PSMA1: variants seen among roughly 807,000 people sequenced by gnomAD.
PSMA1 encodes the protein proteasome 20S subunit alpha 1.
In PSMA1, 3 loss-of-function variants were observed where a neutral mutation model predicts 38.4. The ratio of observed to expected loss-of-function variants is 0.08; its 90% CI spans 0.04 to 0.20. The LOEUF is 0.20. Ranked by LOEUF, PSMA1 falls within the 10% of genes least tolerant of loss-of-function variation. PSMA1 has a pLI of 1.00. For missense variants in PSMA1, 227 were observed against 325.3 expected (o/e 0.70, Z 2.32); for synonymous variants, 101 against 107.1 (o/e 0.94, Z 0.35).
At chr11:14,618,660 T>G (rs967181733) in intron 1 of PSMA1, among the ~76,000 whole-genome samples, 1 of 152,216 alleles carries the variant, frequency 6.6e-6, no homozygotes, top group Non-Finnish European at 1.5e-5. Context: ...TGCATTACAT[T>G]ATAGACAAAT....
At chr11:14,548,040 C>A (rs1034304536) in intron 2 of PSMA1, among the ~76,000 whole-genome samples, 3 of 150,160 alleles carry the variant, frequency 2.0e-5, no homozygotes, top group Non-Finnish European at 3.0e-5. Context: ...ACACACACAC[C>A]ACACAGAGTT....
chr11:14,570,036 CATTTGCTGTTCTGCAAT>C (rs1377308321), intron 2 of PSMA1, among the ~76,000 whole-genome samples: 7 of 152,130 alleles, frequency 4.6e-5, no homozygotes, highest in African/African-American at 1.4e-4. Context: ...CAGACAGCAA[CATTTGCTGTTCTGCAAT>C]ATTTGCTGTT....
chr11:14,556,664 G>C (rs971830885), intron 2 of PSMA1, among the ~76,000 whole-genome samples: 1 of 151,954 alleles, frequency 6.6e-6, no homozygotes, highest in African/African-American at 2.4e-5. Flanking sequence ...GCTTACTCTT[G>C]AGAAAAAATT....
chr11:14,529,121 CAAAAAAA>C (rs34346829), intron 2 of PSMA1, among the ~76,000 whole-genome samples: 5 of 56,970 alleles, frequency 8.8e-5, no homozygotes, highest in Admixed American at 2.0e-4. Context: ...GACCCTGTCT[CAAAAAAA>C]AAAAAAAAAA....
intron 2 of PSMA1, among the ~76,000 whole-genome samples, chr11:14,574,035 C>T (rs959366251): frequency 2.6e-5 from 4 of 152,120 alleles, no homozygotes; most frequent in Non-Finnish European, 5.9e-5. Flanking sequence ...AAGAAATAAC[C>T]TGAAACTGGA....
chr11:14,533,853 A>C (rs1565038628), intron 2 of PSMA1, among the ~76,000 whole-genome samples: 1 of 151,786 alleles, frequency 6.6e-6, no homozygotes, highest in African/African-American at 2.4e-5. Context: ...CTTGAATGGG[A>C]GAAAGGGGTA....
intron 2 of PSMA1, among the ~76,000 whole-genome samples, chr11:14,542,410 A>G (rs1471200960): frequency 6.6e-6 from 1 of 151,458 alleles, no homozygotes; most frequent in Non-Finnish European, 1.5e-5. Flanking sequence ...GTAAGCAGGG[A>G]AAAAAAAACC....
At chr11:14,571,914 A>C (rs1852146776) in intron 2 of PSMA1, among the ~76,000 whole-genome samples, 1 of 152,230 alleles carries the variant, frequency 6.6e-6, no homozygotes, top group Non-Finnish European at 1.5e-5. Context: ...AAAGAGACAA[A>C]GAAGGCCATT....
chr11:14,549,341 C>T (rs763835021), intron 2 of PSMA1, among the ~76,000 whole-genome samples: 1 of 152,118 alleles, frequency 6.6e-6, no homozygotes, highest in Non-Finnish European at 1.5e-5. Flanking sequence ...TCACTCTACT[C>T]TCTTGGAGTG....
At chr11:14,627,912 G>A (rs1473342908) in intron 1 of PSMA1, among the ~76,000 whole-genome samples, 1 of 151,940 alleles carries the variant, frequency 6.6e-6, no homozygotes, top group Non-Finnish European at 1.5e-5. Flanking sequence ...GATCCTCATT[G>A]CAATTTGGCT....
intron 2 of PSMA1, among the ~76,000 whole-genome samples, chr11:14,598,833 G>C (rs1423038394): frequency 6.6e-6 from 1 of 151,744 alleles, no homozygotes; most frequent in African/African-American, 2.4e-5. Context: ...TTTATTCCTA[G>C]CATTGATGAT....
intron 1 of PSMA1, among the ~76,000 whole-genome samples, chr11:14,618,237 T>C (rs1235848669): frequency 6.6e-6 from 1 of 152,254 alleles, no homozygotes; most frequent in Non-Finnish European, 1.5e-5. Flanking sequence ...CTTGTGATTG[T>C]ATCTCAATTA....
At chr11:14,612,251 C>T (rs1852718858) in intron 1 of PSMA1, among the ~76,000 whole-genome samples, 1 of 152,168 alleles carries the variant, frequency 6.6e-6, no homozygotes, top group South Asian at 2.1e-4. Context: ...TCAGTTTTTG[C>T]TAACCATGGT....
intron 2 of PSMA1, among the ~76,000 whole-genome samples, chr11:14,530,064 A>G (rs1851630292): frequency 6.6e-6 from 1 of 152,176 alleles, no homozygotes; most frequent in African/African-American, 2.4e-5. Context: ...TGTACTTAAT[A>G]AGTGCTACAT....
rs80048833 is a variant in PSMA1 at position 14,572,127 on chromosome 11, T to C, written c.21+38839A>G. On this transcript the variant is annotated intron_variant, in intron 2 of 10. Transcript: ENST00000418988. ...CAACGAAACAGAAAGTTAACAAGGA[T>C]ATCCAGGAATTGAACTCAGCTCCAC... Among the ~76,000 whole-genome samples, 658 of 152,228 alleles carry C rather than the reference T, an allele frequency of 4.3e-3. 14 individuals are homozygous for C. In the East Asian group the frequency reaches 0.055, roughly 13 times the overall value.
At chr11:14,564,158 T>C (rs1852041680) in intron 2 of PSMA1, among the ~76,000 whole-genome samples, 1 of 152,150 alleles carries the variant, frequency 6.6e-6, no homozygotes, top group South Asian at 2.1e-4. Context: ...TCATAGGATA[T>C]CCCATGCTGC....
At chr11:14,585,449 T>C (rs373786585) in intron 2 of PSMA1, among the ~76,000 whole-genome samples, 198 of 152,366 alleles carry the variant, frequency 1.3e-3, no homozygotes, top group South Asian at 6.2e-3. Flanking sequence ...GGAAACATTG[T>C]GAAGGATGAG....
chr11:14,639,370 T>C (rs1414996304), intron 1 of PSMA1, among the ~76,000 whole-genome samples: 1 of 152,230 alleles, frequency 6.6e-6, no homozygotes, highest in Non-Finnish European at 1.5e-5. Context: ...GAGTTTTCTA[T>C]TAAAATTCAT....
intron 1 of PSMA1, among the ~76,000 whole-genome samples, chr11:14,638,516 T>TCC (rs1853140036): frequency 4.6e-5 from 1 of 21,886 alleles, no homozygotes; most frequent in Admixed American, 7.9e-4. Flanking sequence ...CCTCTCTCTC[T>TCC]CTCTCTCTCT....
Sources: gnomAD v4.1 joint callset for allele counts (sites outside exome capture counted in the v4.1 genomes callset) on GRCh38, gnomAD v4.1.1 for gene constraint, MANE v1.5 for transcripts, NCBI Gene and HGNC (gene_info 2026-07-23, HGNC 2026-07-21) for gene names.